KCND2: variants seen among roughly 807,000 people sequenced by gnomAD.
KCND2 encodes the protein potassium voltage-gated channel subfamily D member 2, also known as A-type voltage-gated potassium channel KCND2.
KCND2 carries 16 observed loss-of-function variants against 54.4 expected under a neutral mutation model. That is an observed-to-expected ratio of 0.29 (90% confidence interval 0.20 to 0.45). The LOEUF (loss-of-function observed/expected upper bound fraction) is 0.45, where lower values mean the gene tolerates loss of function less well. KCND2 is among the 20% of genes least tolerant of loss of function. KCND2 has a pLI of 1.00. For missense variants in KCND2, 486 were observed against 824.2 expected (o/e 0.59, Z 5.02); for synonymous variants, 317 against 310.7 (o/e 1.02, Z -0.21).
intron 1 of KCND2, among the ~76,000 whole-genome samples, chr7:120,323,798 C>A (rs1799931027): frequency 8.3e-6 from 1 of 120,300 alleles, no homozygotes; most frequent in Admixed American, 9.2e-5. Context: ...ATTTATAGTC[C>A]TTTGGGTATA....
At chr7:120,724,190 A>G (rs999522757) in intron 1 of KCND2, among the ~76,000 whole-genome samples, 3 of 152,228 alleles carry the variant, frequency 2.0e-5, no homozygotes, top group African/African-American at 4.8e-5. Flanking sequence ...GTTTATAACA[A>G]TGACATGATC....
intron 1 of KCND2, among the ~76,000 whole-genome samples, chr7:120,294,851 C>T (rs1212882049): frequency 6.6e-6 from 1 of 151,550 alleles, no homozygotes; most frequent in Non-Finnish European, 1.5e-5. Flanking sequence ...TATATACATA[C>T]ACACATATGT....
chr7:120,636,378 C>T (rs542714777), intron 1 of KCND2, among the ~76,000 whole-genome samples: 2 of 152,214 alleles, frequency 1.3e-5, no homozygotes, highest in East Asian at 1.9e-4. Context: ...AAGTGCTCTT[C>T]CTCATTATGA....
chr7:120,423,809 A>G (rs1454873413), intron 1 of KCND2, among the ~76,000 whole-genome samples: 2 of 152,180 alleles, frequency 1.3e-5, no homozygotes, highest in South Asian at 2.1e-4. Context: ...GCATTTTAAA[A>G]TTTGGCTTTC....
intron 1 of KCND2, among the ~76,000 whole-genome samples, chr7:120,422,936 C>T (rs1293382555): frequency 6.6e-6 from 1 of 152,234 alleles, no homozygotes; most frequent in East Asian, 1.9e-4. Flanking sequence ...CACTTCAAGG[C>T]AGTCTGTCCC....
At chr7:120,556,114 A>G (rs12706290) in intron 1 of KCND2, among the ~76,000 whole-genome samples, 1 of 151,932 alleles carries the variant, frequency 6.6e-6, no homozygotes, top group Admixed American at 6.5e-5. Context: ...CTATGCCATC[A>G]TCTTGTGTAT....
At chr7:120,445,698 A>G (rs1337110546) in intron 1 of KCND2, among the ~76,000 whole-genome samples, 2 of 152,168 alleles carry the variant, frequency 1.3e-5, no homozygotes, top group Non-Finnish European at 2.9e-5. Context: ...AGATAAACCA[A>G]CAGTTATCAC....
intron 1 of KCND2, among the ~76,000 whole-genome samples, chr7:120,365,853 ATT>A (rs1488053901): frequency 1.3e-5 from 2 of 152,170 alleles, no homozygotes; most frequent in Non-Finnish European, 2.9e-5. Context: ...CAGGTAAGTA[ATT>A]AAAACAACAT....
intron 1 of KCND2, among the ~76,000 whole-genome samples, chr7:120,532,889 C>A (rs1791859363): frequency 6.6e-6 from 1 of 151,930 alleles, no homozygotes; most frequent in Admixed American, 6.6e-5. Context: ...GCTATGTAGT[C>A]ATAATGTCTT....
intron 1 of KCND2, among the ~76,000 whole-genome samples, chr7:120,352,076 T>C (rs373771807): frequency 7.2e-5 from 11 of 152,054 alleles, no homozygotes; most frequent in African/African-American, 2.7e-4. Flanking sequence ...TAGCTGGGAC[T>C]ATAGGCGTGC....
At chr7:120,632,178 T>C (rs1382388465) in intron 1 of KCND2, among the ~76,000 whole-genome samples, 1 of 152,174 alleles carries the variant, frequency 6.6e-6, no homozygotes, top group Non-Finnish European at 1.5e-5. Flanking sequence ...ATTAAAGTCT[T>C]TTAATTTTCT....
In KCND2 at chr7:120,477,892, A is replaced by G. The variant is rs549588685; in HGVS notation, c.1115+202145A>G. Among the ~76,000 whole-genome samples, 133 of 152,322 alleles carry G rather than the reference A, an allele frequency of 8.7e-4. 3 individuals are homozygous for G. In the Middle Eastern group the frequency reaches 0.024, roughly 27 times the overall value. Reference sequence around the variant, plus strand: ...ATTACAAGGCACGCAAACTGAAGTCAAAACTGGTAAGAGTTGCTTTCTTTT... The same window carrying G: ...ATTACAAGGCACGCAAACTGAAGTCGAAACTGGTAAGAGTTGCTTTCTTTT... On this transcript the variant is annotated intron_variant, in intron 1 of 5. Coordinates refer to ENST00000331113, the MANE Select transcript of KCND2 (RefSeq NM_012281.3).
chr7:120,315,216 C>A (rs1459611021), intron 1 of KCND2, among the ~76,000 whole-genome samples: 1 of 152,134 alleles, frequency 6.6e-6, no homozygotes, highest in Non-Finnish European at 1.5e-5. Context: ...CTTCCACGTT[C>A]CCCACCACCA....
intron 1 of KCND2, among the ~76,000 whole-genome samples, chr7:120,278,225 G>GGA (rs1275698353): frequency 1.3e-5 from 2 of 151,680 alleles, no homozygotes; most frequent in African/African-American, 4.8e-5. Flanking sequence ...CTGCCTTTTT[G>GGA]GTGCCATCTT....
At chr7:120,550,327 G>A (rs1381061164) in intron 1 of KCND2, among the ~76,000 whole-genome samples, 2 of 151,988 alleles carry the variant, frequency 1.3e-5, no homozygotes, top group Non-Finnish European at 2.9e-5. Context: ...AAAAAATGAG[G>A]TAGCACAACA....
intron 1 of KCND2, among the ~76,000 whole-genome samples, chr7:120,462,044 G>A (rs749034361): frequency 1.8e-4 from 28 of 152,164 alleles, no homozygotes; most frequent in Non-Finnish European, 3.5e-4. Context: ...ACAATGCCAT[G>A]GGATGTGTAA....
At position 120,289,824 on chromosome 7, in the gene KCND2, C is replaced by G. The variant is rs999197647; in HGVS notation, c.1115+14077C>G. ...TGGCTTCCAACTTTTCATCCAACAT[C>G]TATTTTAATTGGGTCTATGATTCTT... On this transcript the variant is annotated intron_variant, in intron 1 of 5. Coordinates refer to ENST00000331113, the MANE Select transcript of KCND2 (RefSeq NM_012281.3). Among the ~76,000 whole-genome samples, 18 of 152,164 alleles carry G rather than the reference C, an allele frequency of 1.2e-4. No homozygotes were observed. In the East Asian group the frequency reaches 3.5e-3, roughly 29 times the overall value.
chr7:120,402,417 G>A (rs1271113349), intron 1 of KCND2, among the ~76,000 whole-genome samples: 1 of 152,146 alleles, frequency 6.6e-6, no homozygotes, highest in Non-Finnish European at 1.5e-5. Context: ...TCTGACCTAA[G>A]TGTTGTTGTT....
intron 1 of KCND2, among the ~76,000 whole-genome samples, chr7:120,556,197 G>T (rs371114149): frequency 6.6e-6 from 1 of 152,020 alleles, no homozygotes; most frequent in Non-Finnish European, 1.5e-5. Context: ...TTGCCCTTCC[G>T]TCTCTCAATG....
Sources: gnomAD v4.1 joint callset for allele counts (sites outside exome capture counted in the v4.1 genomes callset) on GRCh38, gnomAD v4.1.1 for gene constraint, MANE v1.5 for transcripts, NCBI Gene and HGNC (gene_info 2026-07-23, HGNC 2026-07-21) for gene names.